TPST1: variants seen among roughly 807,000 people sequenced by gnomAD.
TPST1 encodes the protein tyrosylprotein sulfotransferase 1.
In TPST1, 20 loss-of-function variants were observed where a neutral mutation model predicts 34.8. The ratio of observed to expected loss-of-function variants is 0.57; its 90% CI spans 0.40 to 0.84. TPST1 has a LOEUF of 0.84. Among genes scored for constraint, TPST1 ranks in the 40% least tolerant of loss-of-function variants. TPST1 has a pLI of 0.00. For synonymous variants in TPST1, 152 were observed against 159.4 expected (o/e 0.95, Z 0.35); for missense variants, 353 against 455.5 (o/e 0.78, Z 2.05).
chr7:66,352,525 A>G lies in TPST1; in HGVS notation c.1065A>G (p.Gln355=). 6.2e-7 allele frequency: 1 copy of G among 1,613,356 alleles called. No homozygotes were observed. Among genetic ancestry groups the G allele is most frequent in the South Asian group, 1.1e-5 (1 of 90,904 alleles). ...NTRRVYKGEF[Q]LPDFLKEKPQ... The stretch of plus-strand genomic sequence containing the variant: ...TCCAGGTCTATAAGGGAGAATTCCA[A>G]CTACCTGACTTTCTTAAAGAAAAAC... The change falls in exon 4 of 6, where the codon CAA becomes CAG. Residue 355 remains glutamine, a synonymous_variant. Coordinates refer to ENST00000304842, the MANE Select transcript of TPST1 (RefSeq NM_003596.4).
chr7:66,347,972 T>C (rs1792389405), intron 3 of TPST1, among the ~76,000 whole-genome samples: 1 of 152,202 alleles, frequency 6.6e-6, no homozygotes, highest in South Asian at 2.1e-4. Flanking sequence ...CTTTCTATTT[T>C]CTTATTGCTG....
intron 1 of TPST1, among the ~76,000 whole-genome samples, chr7:66,216,366 A>G (rs1163455830): frequency 1.4e-5 from 2 of 146,972 alleles, no homozygotes. Flanking sequence ...TCAAAGAACC[A>G]GTTTTTGGTT....
At chr7:66,307,911 A>T (rs572344318) in intron 3 of TPST1, among the ~76,000 whole-genome samples, 2 of 152,252 alleles carry the variant, frequency 1.3e-5, no homozygotes, top group South Asian at 4.1e-4. Flanking sequence ...CATCATTTAC[A>T]TGGGACACAA....
At chr7:66,300,154 T>G (rs1006755570) in intron 3 of TPST1, among the ~76,000 whole-genome samples, 1 of 152,234 alleles carries the variant, frequency 6.6e-6, no homozygotes, top group East Asian at 1.9e-4. Context: ...TGTTGATGAC[T>G]GCTAGACCAT....
At chr7:66,254,844 C>T (rs1790350480) in intron 2 of TPST1, among the ~76,000 whole-genome samples, 6 of 152,006 alleles carry the variant, frequency 3.9e-5, no homozygotes, top group Admixed American at 3.9e-4. Flanking sequence ...AGTAAGCAAC[C>T]TTATTTTAAA....
intron 1 of TPST1, among the ~76,000 whole-genome samples, chr7:66,237,777 G>A (rs1200608058): frequency 7.2e-5 from 11 of 152,108 alleles, no homozygotes; most frequent in South Asian, 2.1e-4. Context: ...TCACTTATGC[G>A]ATTGTGGGGC....
upstream of TPST1, among the ~76,000 whole-genome samples, chr7:66,203,206 A>AACACAC (rs761811361): frequency 6.7e-6 from 1 of 149,206 alleles, no homozygotes; most frequent in East Asian, 2.0e-4. Context: ...TATACACACA[A>AACACAC]ACACACACAC....
At chr7:66,279,803 A>G (rs114109085) in intron 2 of TPST1, among the ~76,000 whole-genome samples, 2,056 of 152,328 alleles carry the variant, frequency 0.013, 57 homozygotes, top group African/African-American at 0.046. Flanking sequence ...ATATTAAACA[A>G]TCTTTATTTG....
chr7:66,210,404 T>C (rs535642751), intron 1 of TPST1, among the ~76,000 whole-genome samples: 1 of 152,296 alleles, frequency 6.6e-6, no homozygotes, highest in Non-Finnish European at 1.5e-5. Context: ...AGTGAAGTCA[T>C]CAGAAGTAGG....
At chr7:66,245,225 T>G (rs1247111953) in intron 2 of TPST1, among the ~76,000 whole-genome samples, 1 of 152,212 alleles carries the variant, frequency 6.6e-6, no homozygotes, top group African/African-American at 2.4e-5. Flanking sequence ...TTAGCACCAC[T>G]GCAGGAGGTA....
intron 1 of TPST1, among the ~76,000 whole-genome samples, chr7:66,237,261 G>A (rs964275609): frequency 1.1e-4 from 16 of 152,168 alleles, no homozygotes; most frequent in South Asian, 2.1e-4. Flanking sequence ...CAGAACCTCT[G>A]TACCTACTGA....
At chr7:66,330,116 A>C (rs1010514281) in intron 3 of TPST1, among the ~76,000 whole-genome samples, 1 of 152,194 alleles carries the variant, frequency 6.6e-6, no homozygotes, top group African/African-American at 2.4e-5. Context: ...TGGAAAAACA[A>C]ATCAACCCAG....
intron 1 of TPST1, among the ~76,000 whole-genome samples, chr7:66,215,000 T>A (rs1323426456): frequency 6.8e-6 from 1 of 146,474 alleles, no homozygotes; most frequent in African/African-American, 2.5e-5. Flanking sequence ...TATATAAATA[T>A]TAATATGTTT....
chr7:66,330,669 C>G (rs1791979116), intron 3 of TPST1, among the ~76,000 whole-genome samples: 1 of 152,182 alleles, frequency 6.6e-6, no homozygotes, highest in Non-Finnish European at 1.5e-5. Flanking sequence ...TCACAGTCCA[C>G]CTCCTAACAA....
Position 66,241,151 on chromosome 7 carries a change from T to G in TPST1, c.726T>G (p.Leu242=). 1.2e-6 allele frequency: 2 copies of G among 1,614,216 alleles called. No homozygotes were observed. Among genetic ancestry groups the G allele is most frequent in the Non-Finnish European group, 1.7e-6 (2 of 1,180,036 alleles). ...KKCMLVHYEQ[L]VLHPERWMRT... ...GCATGTTGGTTCACTATGAACAACT[T>G]GTCTTACATCCTGAACGGTGGATGA... Residue 242 remains leucine (L), a synonymous_variant, in exon 2 of 6, where the codon CTT becomes CTG. Coordinates refer to ENST00000304842, the MANE Select transcript of TPST1 (RefSeq NM_003596.4).
intron 2 of TPST1, among the ~76,000 whole-genome samples, chr7:66,243,790 A>G (rs1790088839): frequency 6.6e-6 from 1 of 151,244 alleles, no homozygotes; most frequent in Admixed American, 6.6e-5. Context: ...ACTCTCAAAA[A>G]CTGCTTTTTG....
At chr7:66,264,488 C>T (rs1790551829) in intron 2 of TPST1, among the ~76,000 whole-genome samples, 1 of 152,174 alleles carries the variant, frequency 6.6e-6, no homozygotes, top group Non-Finnish European at 1.5e-5. Flanking sequence ...CTACCCAGAG[C>T]CCTTCTGCAA....
At chr7:66,215,573 A>G (rs1789380394) in intron 1 of TPST1, among the ~76,000 whole-genome samples, 2 of 151,054 alleles carry the variant, frequency 1.3e-5, no homozygotes, top group African/African-American at 4.9e-5. Flanking sequence ...ATGGGGTTTC[A>G]CCATGTTAGC....
intron 1 of TPST1, among the ~76,000 whole-genome samples, chr7:66,231,025 G>A (rs1281887413): frequency 4.0e-5 from 6 of 151,758 alleles, no homozygotes; most frequent in Non-Finnish European, 7.4e-5. Flanking sequence ...TGATTGGTGC[G>A]TTTACAAACC....
Sources: gnomAD v4.1 joint callset for allele counts (sites outside exome capture counted in the v4.1 genomes callset) on GRCh38, gnomAD v4.1.1 for gene constraint, MANE v1.5 for transcripts, NCBI Gene and HGNC (gene_info 2026-07-23, HGNC 2026-07-21) for gene names.